Variants in CCSER1 observed in about 807,000 individuals in gnomAD.
CCSER1 encodes the protein coiled-coil serine rich protein 1.
In CCSER1, 41 loss-of-function variants were observed where a neutral mutation model predicts 82.0. The observed-to-expected ratio is 0.50, with a 90% CI of 0.39 to 0.65. The LOEUF (loss-of-function observed/expected upper bound fraction) is 0.65. Ranked by LOEUF, CCSER1 falls within the 30% of genes least tolerant of loss-of-function variation. The pLI, the probability that CCSER1 is intolerant of heterozygous loss-of-function variation, is 0.00. For synonymous variants in CCSER1, 414 were observed against 383.9 expected, an observed-to-expected ratio of 1.08 and a Z score of -0.92; for missense variants, 1,119 against 1,064.2, an observed-to-expected ratio of 1.05 and a Z score of -0.72.
chr4:91,418,236 C>A (rs1435800739), intron 10 of CCSER1, among the ~76,000 whole-genome samples: 4 of 138,510 alleles, frequency 2.9e-5, no homozygotes, highest in Non-Finnish European at 4.6e-5. Context: ...CAGATTAGAA[C>A]TGAAATAAAT....
chr4:91,366,666 C>G (rs896830586), intron 10 of CCSER1, among the ~76,000 whole-genome samples: 7 of 152,166 alleles, frequency 4.6e-5, no homozygotes, highest in Non-Finnish European at 1.0e-4. Context: ...TCATACTGAT[C>G]CATTCAATTC....
At chr4:91,131,848 C>T (rs80188835) in intron 10 of CCSER1, among the ~76,000 whole-genome samples, 4 of 151,966 alleles carry the variant, frequency 2.6e-5, no homozygotes, top group East Asian at 3.9e-4. Flanking sequence ...GTGAAAGGCA[C>T]GTGACACGGA....
At chr4:90,374,858 A>G (rs1748040267) in intron 3 of CCSER1, among the ~76,000 whole-genome samples, 1 of 152,036 alleles carries the variant, frequency 6.6e-6, no homozygotes, top group Non-Finnish European at 1.5e-5. Flanking sequence ...TGCTTCTTTT[A>G]TTACCAAAAA....
chr4:90,713,120 T>A (rs1740965014), intron 6 of CCSER1, among the ~76,000 whole-genome samples: 1 of 152,054 alleles, frequency 6.6e-6, no homozygotes, highest in Non-Finnish European at 1.5e-5. Context: ...TGTCTTTTAA[T>A]TGGGGCATTT....
intron 4 of CCSER1, among the ~76,000 whole-genome samples, chr4:90,449,535 G>A (rs546031650): frequency 5.3e-5 from 8 of 152,126 alleles, no homozygotes; most frequent in East Asian, 1.9e-4. Context: ...TGTTTCTGCC[G>A]AGGAGTGCCT....
intron 3 of CCSER1, among the ~76,000 whole-genome samples, chr4:90,347,361 T>C (rs993012033): frequency 1.5e-5 from 2 of 136,254 alleles, no homozygotes; most frequent in African/African-American, 2.7e-5. Context: ...ATATACTTTA[T>C]TGGTAGAATA....
intron 5 of CCSER1, among the ~76,000 whole-genome samples, chr4:90,550,850 C>A (rs1169036025): frequency 6.6e-6 from 1 of 152,020 alleles, no homozygotes; most frequent in East Asian, 1.9e-4. Context: ...ACGTGGTGGC[C>A]ATTGTAGTAG....
chr4:90,705,409 A>C (rs1038994862), intron 6 of CCSER1, among the ~76,000 whole-genome samples: 2 of 152,140 alleles, frequency 1.3e-5, no homozygotes, highest in African/African-American at 4.8e-5. Context: ...CAGTTAGGCT[A>C]TTCGGGGGTC....
chr4:90,912,730 A>C (rs1444791777), intron 8 of CCSER1, among the ~76,000 whole-genome samples: 1 of 152,294 alleles, frequency 6.6e-6, no homozygotes, highest in Non-Finnish European at 1.5e-5. Flanking sequence ...AAAGAAGTTA[A>C]AAACCTTGAA....
chr4:90,196,218 A>T (rs1736573847), intron 1 of CCSER1, among the ~76,000 whole-genome samples: 2 of 151,946 alleles, frequency 1.3e-5, no homozygotes, highest in African/African-American at 2.4e-5. Flanking sequence ...AAGGGGGCAA[A>T]TGTGAATGCC....
chr4:90,245,650 T>C (rs1244555350), intron 1 of CCSER1, among the ~76,000 whole-genome samples: 2 of 152,186 alleles, frequency 1.3e-5, no homozygotes, highest in African/African-American at 4.8e-5. Context: ...CATGGATCTA[T>C]ATATGAAGAA....
intron 10 of CCSER1, among the ~76,000 whole-genome samples, chr4:91,179,817 G>T (rs1267243547): frequency 2.0e-5 from 3 of 152,214 alleles, no homozygotes; most frequent in Non-Finnish European, 4.4e-5. Context: ...ACTCGTCAAA[G>T]TCATTCTCTG....
chr4:90,895,532 C>T (rs1185089483), intron 8 of CCSER1, among the ~76,000 whole-genome samples: 1 of 151,782 alleles, frequency 6.6e-6, no homozygotes, highest in Non-Finnish European at 1.5e-5. Flanking sequence ...TACAGAAAAC[C>T]ATTTGTACTG....
At chr4:90,145,832 T>C (rs1043677399) in intron 1 of CCSER1, among the ~76,000 whole-genome samples, 1 of 152,112 alleles carries the variant, frequency 6.6e-6, no homozygotes, top group Admixed American at 6.5e-5. Flanking sequence ...ATTGAACAGA[T>C]TATAAAAAAT....
chr4:90,591,832 C>T (rs1782739524), intron 5 of CCSER1, among the ~76,000 whole-genome samples: 1 of 152,166 alleles, frequency 6.6e-6, no homozygotes, highest in Admixed American at 6.5e-5. Context: ...GGCACATATA[C>T]ACCACGGAAT....
chr4:91,199,055 T>C (rs753369738), intron 10 of CCSER1, among the ~76,000 whole-genome samples: 2 of 152,100 alleles, frequency 1.3e-5, no homozygotes, highest in Non-Finnish European at 2.9e-5. Context: ...AGAATTGCCA[T>C]GAAATTCTGA....
chr4:90,767,013 A>G (rs968942898), intron 7 of CCSER1, among the ~76,000 whole-genome samples: 3 of 152,180 alleles, frequency 2.0e-5, no homozygotes, highest in Non-Finnish European at 4.4e-5. Flanking sequence ...AGCAAGCTGA[A>G]TGTCACTTAT....
chr4:91,225,236 G>GTA (rs1190636425), intron 10 of CCSER1, among the ~76,000 whole-genome samples: 96 of 136,198 alleles, frequency 7.0e-4, no homozygotes, highest in African/African-American at 2.5e-3. Context: ...TTATATACAT[G>GTA]TATAATTATA....
chr4:90,609,936 A>G (rs959621962), intron 5 of CCSER1, among the ~76,000 whole-genome samples: 1 of 152,158 alleles, frequency 6.6e-6, no homozygotes, highest in Admixed American at 6.5e-5. Flanking sequence ...AAAAAGTGCT[A>G]TTTATTCACA....
Sources: allele counts gnomAD v4.1 joint callset (sites outside exome capture counted in the v4.1 genomes callset), GRCh38; gene constraint gnomAD v4.1.1; transcripts MANE v1.5; gene names NCBI Gene and HGNC (gene_info 2026-07-23, HGNC 2026-07-21).